The following MED25 variants were observed in gnomAD, a reference collection of about 807,000 sequenced individuals.
The protein encoded by MED25 is mediator complex subunit 25.
In MED25, 62 loss-of-function variants were observed where a neutral mutation model predicts 89.4. The ratio of observed to expected loss-of-function variants is 0.69; its 90% CI spans 0.57 to 0.86. The LOEUF (loss-of-function observed/expected upper bound fraction) is 0.86, where lower values mean the gene tolerates loss of function less well. Among genes scored for constraint, MED25 ranks in the 40% least tolerant of loss-of-function variants. MED25 has a pLI of 0.00. For synonymous variants in MED25, 449 were observed against 427.9 expected, an observed-to-expected ratio of 1.05 and a Z score of -0.61; for missense variants, 905 against 1,005.2, an observed-to-expected ratio of 0.90 and a Z score of 1.35.
Position 49,836,235 on chromosome 19 carries a change from G to A in MED25, c.1975G>A (p.Gly659Arg), listed in dbSNP as rs1346990321. 2.5e-6 allele frequency: 4 copies of A among 1,612,130 alleles called. No individual in the cohort carries two copies. Among genetic ancestry groups the A allele is most frequent in the Admixed American group, 1.7e-5 (1 of 59,988 alleles). The change falls in exon 17 of 18, where the codon GGG becomes AGG. Residue 659 changes from glycine to arginine, a missense_variant. By Grantham distance (125) the Gly-to-Arg change is moderately radical. Around this residue, in one of 3 missense-constraint regions of MED25, gnomAD observed 271 missense variants for 258.1 expected, o/e 1.05. Coordinates refer to ENST00000312865, the MANE Select transcript of MED25 (RefSeq NM_030973.4). The surrounding 1 kb of genome is among the most constrained non-coding windows in gnomAD (Gnocchi z 5.1). Reference sequence around the variant, plus strand: ...CTCTGTGTTCTCCCAGCCGCAGACTGGGGTGCCCCCACCCCAGGCCTCCCT... The same window carrying A: ...CTCTGTGTTCTCCCAGCCGCAGACTAGGGTGCCCCCACCCCAGGCCTCCCT... ...LLLNPPPPQT[G>R]VPPPQASLHH...
At chr19:49,825,778 C>T (rs748587448) in intron 3 of MED25, among the ~76,000 whole-genome samples, 2 of 151,630 alleles carry the variant, frequency 1.3e-5, no homozygotes, top group Non-Finnish European at 2.9e-5. Flanking sequence ...TAGTGGTGAG[C>T]TGAGATCGTG....
chr19:49,823,580 T>C (rs2073997542), intron 3 of MED25, among the ~76,000 whole-genome samples: 1 of 152,198 alleles, frequency 6.6e-6, no homozygotes, highest in Admixed American at 6.5e-5. Context: ...TGTGTGTCGC[T>C]TAGGGCCTGG....
chr19:49,836,052 G>A lies in MED25; in HGVS notation c.1965+107G>A, dbSNP rs1445019192. 6.4e-7 allele frequency: 1 copy of A among 1,553,858 alleles called. No individual in the cohort carries two copies. Among genetic ancestry groups the A allele is most frequent in the Admixed American group, 1.9e-5 (1 of 51,834 alleles). On this transcript the variant is annotated intron_variant, in intron 16 of 17. Coordinates refer to ENST00000312865, the MANE Select transcript of MED25 (RefSeq NM_030973.4). The surrounding 1 kb of genome is among the most constrained non-coding windows in gnomAD (Gnocchi z 5.1). ...TGACTGTGGTCAGTGGGTGTGAATG[G>A]GGACCCGCCCAGGGCTTTAGGCAGA...
chr19:49,827,907 C>G (rs1427582608), intron 3 of MED25, among the ~76,000 whole-genome samples: 1 of 152,064 alleles, frequency 6.6e-6, no homozygotes, highest in African/African-American at 2.4e-5. Flanking sequence ...CAGCCCTTTC[C>G]CATTCCCTCC....
At chr19:49,822,146 C>T (rs774552881) in intron 3 of MED25, among the ~76,000 whole-genome samples, 2 of 151,136 alleles carry the variant, frequency 1.3e-5, no homozygotes, top group Admixed American at 6.6e-5. Flanking sequence ...ACCTGCAGTC[C>T]CAGCTACTCG....
chr19:49,818,746 C>T (rs1287205958), intron 2 of MED25, 130 bp downstream of exon 2: 4 of 927,968 alleles, frequency 4.3e-6, no homozygotes, highest in Non-Finnish European at 6.8e-6. Context: ...GTCTGGACTC[C>T]TTGTTCTGAG....
At position 49,831,840 on chromosome 19, in the gene MED25, A is replaced by T; in HGVS notation, c.1231-96A>T. 8.6e-7 allele frequency: 1 copy of T among 1,158,580 alleles called. No individual in the cohort carries two copies. The highest frequency in any genetic ancestry group is 1.3e-6 in the Non-Finnish European group (1 of 771,750). The allele number at this position is 1,158,580 out of a possible 1,614,324, so 71.8% of individuals were successfully genotyped here. A position where few individuals can be genotyped will look rare whatever the true frequency, so the allele number is the denominator to read the frequency against. ...GCTCATGGGACTTAAACTGGGGAAC[A>T]TCCTGAGCTTTGGGGCTACCAGGGT... On this transcript the variant is annotated intron_variant, in intron 10 of 17. Coordinates refer to ENST00000312865, the MANE Select transcript of MED25 (RefSeq NM_030973.4). This position sits in a 1 kb window ranked among gnomAD's most constrained non-coding sequence, Gnocchi z 5.0.
At chr19:49,828,327 C>A in intron 3 of MED25, 122 bp from the exon 4 acceptor site, 1 of 739,312 alleles carries the variant, frequency 1.4e-6, no homozygotes, top group Non-Finnish European at 2.5e-6. Flanking sequence ...AGCAGGGTCC[C>A]CGTCATCCCA....
At position 49,831,171 on chromosome 19, in the gene MED25, A is replaced by G. The variant is rs2074053949; in HGVS notation, c.1102-162A>G. On this transcript the variant is annotated intron_variant, in intron 9 of 17. Coordinates refer to ENST00000312865, the MANE Select transcript of MED25 (RefSeq NM_030973.4). This position sits in a 1 kb window ranked among gnomAD's most constrained non-coding sequence, Gnocchi z 5.0. ...AGCTTACGAGTCCTCGAATCCTGCA[A>G]GGTCCAAGCATTTGGGGTCCTGCGG... Among the ~76,000 whole-genome samples the G allele has an allele frequency of 6.6e-6, 1 of 152,138 alleles. No individual in the cohort carries two copies. The highest frequency in any genetic ancestry group is 2.4e-5 in the African/African-American group (1 of 41,430).
At position 49,830,802 on chromosome 19, in the gene MED25, C is replaced by T; in HGVS notation, c.1016C>T (p.Pro339Leu). 6.2e-7 allele frequency: 1 copy of T among 1,613,512 alleles called. No homozygotes were observed. The highest frequency in any genetic ancestry group is 8.5e-7 in the Non-Finnish European group (1 of 1,179,872). The stretch of plus-strand genomic sequence containing the variant: ...GGACCCCCTGGCGCCCCCAAGCCAC[C>T]ACCTGCTTCCCAGCCCAGTCTGGTC... ...PPGPPGAPKP[P>L]PASQPSLVST... is the part of the protein sequence containing the mutation. The change falls in exon 9 of 18, where the codon CCA becomes CTA. Residue 339 changes from proline (P) to leucine (L), a missense_variant. By Grantham distance (98) the Pro-to-Leu change is moderately conservative. This residue lies in a region of MED25 where 501 missense variants were observed against 526.9 expected (regional missense o/e 0.95). Coordinates refer to ENST00000312865, the MANE Select transcript of MED25 (RefSeq NM_030973.4). The surrounding 1 kb of genome is among the most constrained non-coding windows in gnomAD (Gnocchi z 4.6).
Position 49,834,023 on chromosome 19 carries a change from G to A in MED25, c.1483-963G>A, listed in dbSNP as rs2074078193. 6.6e-6 allele frequency: 1 copy of A among 152,290 alleles called. No homozygotes were observed. The allele number at this position is 152,290 out of a possible 1,614,324, so 9.4% of individuals were successfully genotyped here. A position where few individuals can be genotyped will look rare whatever the true frequency, so the allele number is the denominator to read the frequency against. On this transcript the variant is annotated intron_variant, in intron 13 of 17. Transcript: ENST00000312865. The surrounding 1 kb of genome is among the most constrained non-coding windows in gnomAD (Gnocchi z 4.1). ...TTGGCCTCTCCTTTATAGTCACAAG[G>A]TAGCTCTCATGGCTCCACGCATCCT...
At position 49,831,255 on chromosome 19, in the gene MED25, G is replaced by A. The variant is rs900754861; in HGVS notation, c.1102-78G>A. ...GAAGAAGGGATCTTTCCTCCTTCCTGGTTTGCCCTCACAGGATGGCCCCCG... is the reference window on the plus strand; with the variant it reads ...GAAGAAGGGATCTTTCCTCCTTCCTAGTTTGCCCTCACAGGATGGCCCCCG... On this transcript the variant is annotated intron_variant, in intron 9 of 17. Coordinates refer to ENST00000312865, the MANE Select transcript of MED25 (RefSeq NM_030973.4). The surrounding 1 kb of genome is among the most constrained non-coding windows in gnomAD (Gnocchi z 5.0). The A allele has an allele frequency of 3.7e-5, 55 of 1,475,750 alleles. No individual in the cohort carries two copies. Among genetic ancestry groups the A allele is most frequent in the Non-Finnish European group, 5.1e-5 (55 of 1,084,504 alleles). The allele number at this position is 1,475,750 out of a possible 1,614,324, so 91.4% of individuals were successfully genotyped here.
Position 49,835,931 on chromosome 19 carries a change from C to T in MED25, c.1951C>T (p.Leu651Phe), listed in dbSNP as rs2123888587. ...CAACCCTCAGCTGCGAAGCCTCCTC[C>T]TCAACCCACCACCGGTGAGATGTTG... is the stretch of plus-strand genomic sequence containing the variant. ...GANPQLRSLL[L>F]NPPPPQTGVP... Residue 651 changes from leucine (L) to phenylalanine (F), a missense_variant, in exon 16 of 18, where the codon CTC becomes TTC. Physicochemically the swap from Leu to Phe is conservative, Grantham distance 22. Around this residue, in one of 3 missense-constraint regions of MED25, gnomAD observed 271 missense variants for 258.1 expected, o/e 1.05. Coordinates refer to ENST00000312865, the MANE Select transcript of MED25 (RefSeq NM_030973.4). The surrounding 1 kb of genome is among the most constrained non-coding windows in gnomAD (Gnocchi z 6.2). 1 of 1,612,916 alleles carries T rather than the reference C, an allele frequency of 6.2e-7. No individual in the cohort carries two copies. Among genetic ancestry groups the T allele is most frequent in the Non-Finnish European group, 8.5e-7 (1 of 1,179,972 alleles).
rs2074037870 is a variant in MED25, at chr19:49,829,466, A to G, written c.526-320A>G. Among the ~76,000 whole-genome samples the G allele has an allele frequency of 6.6e-6, 1 of 152,078 alleles. No individual in the cohort carries two copies. The highest frequency in any genetic ancestry group is 2.4e-5 in the African/African-American group (1 of 41,420). On this transcript the variant is annotated intron_variant, in intron 5 of 17. Transcript: ENST00000312865. The surrounding 1 kb of genome is among the most constrained non-coding windows in gnomAD (Gnocchi z 4.6). ...GCTGATTTTTGTATCTTTAGTAGAGATGAGGTTTCACCATGTTGGCCAGAC... is the reference window on the plus strand; with the variant it reads ...GCTGATTTTTGTATCTTTAGTAGAGGTGAGGTTTCACCATGTTGGCCAGAC...
chr19:49,818,549 C>T (rs1203567554), intron 1 of MED25, 22 bp from the exon 2 acceptor site: 3 of 1,614,234 alleles, frequency 1.9e-6, no homozygotes, highest in Non-Finnish European at 2.5e-6. Flanking sequence ...TGACTCCGAC[C>T]TTTCACTTCC....
rs1017952818 is a variant in MED25, at chr19:49,829,977, G to T, written c.688+29G>T. On this transcript the variant is annotated intron_variant, in intron 6 of 17. Coordinates refer to ENST00000312865, the MANE Select transcript of MED25 (RefSeq NM_030973.4). The surrounding 1 kb of genome is among the most constrained non-coding windows in gnomAD (Gnocchi z 4.6). ...AGGCCTGGGCACCGTGCGCGGGGATGGGGGCTCGACGTGTTTCCCCAGCTC... is the reference window on the plus strand; with the variant it reads ...AGGCCTGGGCACCGTGCGCGGGGATTGGGGCTCGACGTGTTTCCCCAGCTC... The T allele has an allele frequency of 2.5e-6, 4 of 1,602,014 alleles. No homozygotes were observed. Among genetic ancestry groups the T allele is most frequent in the African/African-American group, 1.3e-5 (1 of 74,734 alleles).
chr19:49,830,010 C>T lies in MED25; in HGVS notation c.688+62C>T. 6.3e-7 allele frequency: 1 copy of T among 1,598,120 alleles called. No individual in the cohort carries two copies. Among genetic ancestry groups the T allele is most frequent in the Non-Finnish European group, 8.5e-7 (1 of 1,171,068 alleles). On this transcript the variant is annotated intron_variant, in intron 6 of 17. Transcript: ENST00000312865. The surrounding 1 kb of genome is among the most constrained non-coding windows in gnomAD (Gnocchi z 4.6). ...GACGTGTTTCCCCAGCTCCCTCTGA[C>T]TTGGATTTTGGATTTCTCTCCTTTC...
intron 3 of MED25, among the ~76,000 whole-genome samples, chr19:49,826,697 C>T (rs2074018086): frequency 1.3e-5 from 2 of 152,100 alleles, no homozygotes; most frequent in South Asian, 2.1e-4. Context: ...AAGGGCAGGC[C>T]GTAAAATTAG....
chr19:49,819,533 A>G (rs1204775332), intron 3 of MED25: 4 of 516,972 alleles, frequency 7.7e-6, no homozygotes, highest in Non-Finnish European at 1.4e-5. Context: ...CTCATACATT[A>G]AGGGATTGAA....
Sources: gnomAD v4.1 joint callset for allele counts (sites outside exome capture counted in the v4.1 genomes callset) on GRCh38, gnomAD v4.1.1 for gene constraint, gnomAD v4.1.1 regional missense constraint, Gnocchi (gnomAD v3.1) non-coding constraint, MANE v1.5 for transcripts, NCBI Gene and HGNC (gene_info 2026-07-23, HGNC 2026-07-21) for gene names.